Variants in ABCD3 observed in about 807,000 individuals in gnomAD.
ABCD3 encodes the protein ATP-binding cassette sub-family D member 3.
ABCD3 carries 41 observed loss-of-function variants against 105.5 expected under a neutral mutation model. The observed-to-expected ratio is 0.39, with a 90% CI of 0.30 to 0.50. ABCD3 has a LOEUF of 0.50. Ranked by LOEUF, ABCD3 falls within the 20% of genes least tolerant of loss-of-function variation. ABCD3 has a pLI of 0.84. For synonymous variants in ABCD3, 258 were observed against 269.0 expected (o/e 0.96, Z 0.40); for missense variants, 622 against 806.3 (o/e 0.77, Z 2.77).
intron 20 of ABCD3, among the ~76,000 whole-genome samples, chr1:94,500,114 TA>T (rs1650018084): frequency 6.6e-6 from 1 of 152,220 alleles, no homozygotes; most frequent in East Asian, 1.9e-4. Flanking sequence ...ATCTACTACT[TA>T]AAGTTACTTA....
chr1:94,492,616 G>A (rs1649587209), intron 16 of ABCD3, among the ~76,000 whole-genome samples: 1 of 152,126 alleles, frequency 6.6e-6, no homozygotes, highest in Non-Finnish European at 1.5e-5. Context: ...TGTTCCTTTG[G>A]CAAAGTAGGT....
chr1:94,397,039 A>C, the ABCD3 span, among the ~76,000 whole-genome samples: 1 of 152,180 alleles, frequency 6.6e-6, no homozygotes, highest in African/African-American at 2.4e-5. Context: ...CAGGATGCAA[A>C]AATAAAGCTC....
chr1:94,458,344 C>T lies in ABCD3; in HGVS notation c.111-263C>T, dbSNP rs528459904. Among the ~76,000 whole-genome samples the T allele has an allele frequency of 3.9e-5, 6 of 152,284 alleles. 1 individual carries two copies. The South Asian group carries it at 8.3e-4, about 21-fold the overall frequency. On this transcript the variant is annotated intron_variant, in intron 1 of 22. Coordinates refer to ENST00000370214, the MANE Select transcript of ABCD3 (RefSeq NM_002858.4). ...ACTTGCATTTATGTTTGTATTTATA[C>T]ACACACATACACACACCTAAAAATT...
At chr1:94,435,242 A>G (rs919781039) in intron 1 of ABCD3, among the ~76,000 whole-genome samples, 8 of 152,100 alleles carry the variant, frequency 5.3e-5, no homozygotes, top group African/African-American at 1.4e-4. Flanking sequence ...TATATTCACC[A>G]TCAGGAGATA....
At position 94,419,170 on chromosome 1, in the gene ABCD3, A is replaced by G. The variant is rs574088339; in HGVS notation, c.110+582A>G. The G allele has an allele frequency of 7.0e-5, 35 of 497,846 alleles. No individual in the cohort carries two copies. In the South Asian group the frequency reaches 2.9e-3, roughly 41 times the overall value. 30.8% of individuals were successfully genotyped at this position (497,846 alleles called of 1,614,324 possible). ...GGTCCACTTGGCAGGATTGCCGTCT[A>G]AAGTGGTGAGCCCTTGGAGTCGGTG... On this transcript the variant is annotated intron_variant, in intron 1 of 22. Coordinates refer to ENST00000370214, the MANE Select transcript of ABCD3 (RefSeq NM_002858.4).
chr1:94,434,251 G>GA (rs1242422594), intron 1 of ABCD3, among the ~76,000 whole-genome samples: 3 of 152,180 alleles, frequency 2.0e-5, no homozygotes, highest in Non-Finnish European at 4.4e-5. Context: ...GGTCTTCAGG[G>GA]ACAGTAAAAT....
upstream of ABCD3, among the ~76,000 whole-genome samples, chr1:94,418,179 A>T (rs1200118127): frequency 6.6e-6 from 1 of 152,198 alleles, no homozygotes; most frequent in Non-Finnish European, 1.5e-5. Context: ...CGCAGGGCTG[A>T]GTAGCAACAG....
chr1:94,386,712 A>G, the ABCD3 span, among the ~76,000 whole-genome samples: 3 of 152,236 alleles, frequency 2.0e-5, no homozygotes, highest in Admixed American at 1.3e-4. Context: ...CTAAGCAGTC[A>G]GTTGAGTATT....
At chr1:94,441,175 C>T (rs571798008) in intron 1 of ABCD3, among the ~76,000 whole-genome samples, 1 of 152,146 alleles carries the variant, frequency 6.6e-6, no homozygotes, top group East Asian at 1.9e-4. Context: ...TAACAAAAGA[C>T]AAATGACAAA....
intron 1 of ABCD3, among the ~76,000 whole-genome samples, chr1:94,442,687 C>T (rs985224224): frequency 2.0e-5 from 3 of 152,138 alleles, no homozygotes; most frequent in Admixed American, 1.3e-4. Context: ...GTGTACACAT[C>T]GTTAAGCTCC....
chr1:94,456,347 T>C (rs961184736), intron 1 of ABCD3, among the ~76,000 whole-genome samples: 3 of 140,108 alleles, frequency 2.1e-5, no homozygotes, highest in African/African-American at 7.8e-5. Flanking sequence ...CAATCTCAGC[T>C]TGCTGCAACC....
At chr1:94,409,579 G>A in the ABCD3 span, among the ~76,000 whole-genome samples, 5 of 151,974 alleles carry the variant, frequency 3.3e-5, no homozygotes, top group South Asian at 2.1e-4. Context: ...CCGTTATATC[G>A]GTGAAACTTT....
chr1:94,439,652 G>T (rs952812559), intron 1 of ABCD3, among the ~76,000 whole-genome samples: 20 of 151,826 alleles, frequency 1.3e-4, no homozygotes, highest in African/African-American at 4.8e-4. Context: ...ACTCTGTTTT[G>T]TTTGAATATA....
chr1:94,416,701 A>C (rs1386831849), upstream of ABCD3, among the ~76,000 whole-genome samples: 1 of 152,226 alleles, frequency 6.6e-6, no homozygotes, highest in Non-Finnish European at 1.5e-5. Context: ...CCCTAAAGCC[A>C]GCCATAAAAG....
the ABCD3 span, among the ~76,000 whole-genome samples, chr1:94,399,809 A>C: frequency 6.6e-6 from 1 of 152,306 alleles, no homozygotes; most frequent in Admixed American, 6.5e-5. Flanking sequence ...TATTTGGGGG[A>C]GGACTCCATC....
intron 19 of ABCD3, 49 bp downstream of exon 19, chr1:94,499,083 T>G (rs1349448404): frequency 6.8e-7 from 1 of 1,466,760 alleles, no homozygotes; most frequent in Non-Finnish European, 9.6e-7. Flanking sequence ...TCCAGATTAT[T>G]TATTTTAATC....
intron 4 of ABCD3, among the ~76,000 whole-genome samples, chr1:94,468,612 T>C (rs1397646803): frequency 1.3e-5 from 2 of 152,342 alleles, no homozygotes; most frequent in African/African-American, 4.8e-5. Flanking sequence ...GAATTTATTT[T>C]TCATAATACC....
the ABCD3 span, among the ~76,000 whole-genome samples, chr1:94,401,824 A>G: frequency 6.6e-6 from 1 of 152,192 alleles, no homozygotes; most frequent in Non-Finnish European, 1.5e-5. Context: ...ATTATGATTT[A>G]CATGCTATAA....
chr1:94,436,521 T>C (rs190068387), intron 1 of ABCD3, among the ~76,000 whole-genome samples: 9 of 152,348 alleles, frequency 5.9e-5, no homozygotes, highest in African/African-American at 1.7e-4. Flanking sequence ...CATATTGATA[T>C]AGGCATGCCT....
Sources: gnomAD v4.1 joint callset for allele counts (sites outside exome capture counted in the v4.1 genomes callset) on GRCh38, gnomAD v4.1.1 for gene constraint, MANE v1.5 for transcripts, NCBI Gene and HGNC (gene_info 2026-07-23, HGNC 2026-07-21) for gene names.